Variants in RHOJ observed in about 807,000 individuals in gnomAD.
RHOJ encodes rho-related GTP-binding protein RhoJ.
A neutral mutation model predicts 23.4 loss-of-function variants in RHOJ; 11 were observed. That is an observed-to-expected ratio of 0.47 (90% CI 0.30 to 0.78). The LOEUF (loss-of-function observed/expected upper bound fraction) is 0.78, where lower values mean the gene tolerates loss of function less well. Ranked by LOEUF, RHOJ falls within the 30% of genes least tolerant of loss-of-function variation. The pLI, the probability that RHOJ is intolerant of heterozygous loss-of-function variation, is 0.08. For synonymous variants in RHOJ, 102 were observed against 102.7 expected (o/e 0.99, Z 0.04); for missense variants, 254 against 273.4 (o/e 0.93, Z 0.50).
rs775629074 is a variant in RHOJ, at chr14:63,290,907, A to G, written c.528A>G (p.Ser176=). 6.8e-6 allele frequency: 11 copies of G among 1,613,954 alleles called. No homozygotes were observed. In the East Asian group the frequency reaches 2.5e-4, roughly 36 times the overall value. The change falls in exon 5 of 5, where the codon TCA becomes TCG. Residue 176 remains serine, a synonymous_variant. Coordinates refer to ENST00000316754, the MANE Select transcript of RHOJ (RefSeq NM_020663.5). ...AIGAQCYLEC[S]ALTQKGLKAV... ...GAGCACAGTGCTACTTGGAATGTTC[A>G]GCTCTGACTCAGAAAGGTCTCAAAG... is the stretch of plus-strand genomic sequence containing the variant.
intron 2 of RHOJ, among the ~76,000 whole-genome samples, chr14:63,275,498 T>C (rs1195330802): frequency 6.6e-6 from 1 of 152,144 alleles, no homozygotes; most frequent in Non-Finnish European, 1.5e-5. Context: ...GAACTTTTCG[T>C]GTTTCATAAT....
intron 1 of RHOJ, among the ~76,000 whole-genome samples, chr14:63,230,522 C>T (rs1200800659): frequency 6.6e-6 from 1 of 152,086 alleles, no homozygotes; most frequent in Non-Finnish European, 1.5e-5. Context: ...ATTTATGACC[C>T]CAGTACTCAC....
chr14:63,225,137 G>C (rs1894568202), intron 1 of RHOJ, among the ~76,000 whole-genome samples: 1 of 152,060 alleles, frequency 6.6e-6, no homozygotes, highest in African/African-American at 2.4e-5. Flanking sequence ...ATTTTTAGTA[G>C]AGACTGGGTT....
intron 1 of RHOJ, among the ~76,000 whole-genome samples, chr14:63,259,846 G>A (rs10483766): frequency 0.32 from 49,219 of 151,930 alleles, 10,719 homozygotes; most frequent in African/African-American, 0.62. Flanking sequence ...TCTGGCTGGC[G>A]ATATTAGAAA....
chr14:63,257,180 G>A (rs1289998884), intron 1 of RHOJ, among the ~76,000 whole-genome samples: 2 of 144,204 alleles, frequency 1.4e-5, no homozygotes, highest in African/African-American at 5.2e-5. Flanking sequence ...GGAGGTTGCA[G>A]TGAGACGAAA....
chr14:63,275,678 CCTCT>C (rs1367527224), intron 2 of RHOJ, among the ~76,000 whole-genome samples: 3 of 152,190 alleles, frequency 2.0e-5, no homozygotes, highest in African/African-American at 7.2e-5. Context: ...CCCATTTGAG[CCTCT>C]CTTTTAGATT....
At chr14:63,288,407 A>G (rs569669942) in intron 4 of RHOJ, 321 of 892,898 alleles carry the variant, frequency 3.6e-4, no homozygotes, top group Non-Finnish European at 4.1e-4. Context: ...TTCCAGATAG[A>G]AAGGTGCTAC....
chr14:63,242,582 C>T (rs1251212356), intron 1 of RHOJ, among the ~76,000 whole-genome samples: 1 of 152,056 alleles, frequency 6.6e-6, no homozygotes, highest in Non-Finnish European at 1.5e-5. Flanking sequence ...AAAAAGGGGG[C>T]CAGGGGGTTT....
intron 1 of RHOJ, among the ~76,000 whole-genome samples, chr14:63,213,728 A>G (rs1413690381): frequency 3.9e-5 from 6 of 152,166 alleles, no homozygotes; most frequent in African/African-American, 1.2e-4. Context: ...TTGGTGAGAT[A>G]GTTCTGTTCC....
intron 1 of RHOJ, among the ~76,000 whole-genome samples, chr14:63,264,357 T>TTTTATGGCTACATAGTATTCCA (rs1327916077): frequency 1.3e-5 from 2 of 152,224 alleles, no homozygotes; most frequent in East Asian, 3.8e-4. Context: ...ATTTTATTCT[T>TTTTATGGCTACATAGTATTCCA]TTTATGGCTA....
intron 1 of RHOJ, among the ~76,000 whole-genome samples, chr14:63,216,342 A>C (rs574083052): frequency 6.6e-6 from 1 of 152,238 alleles, no homozygotes; most frequent in Non-Finnish European, 1.5e-5. Context: ...AAGAGGAAAA[A>C]TAATCAGCAA....
At chr14:63,221,923 A>G (rs1894502572) in intron 1 of RHOJ, among the ~76,000 whole-genome samples, 1 of 151,508 alleles carries the variant, frequency 6.6e-6, no homozygotes, top group South Asian at 2.1e-4. Flanking sequence ...TGCTGCACCC[A>G]TTAACTTGTC....
At chr14:63,261,545 C>T (rs1218219385) in intron 1 of RHOJ, among the ~76,000 whole-genome samples, 1 of 151,902 alleles carries the variant, frequency 6.6e-6, no homozygotes, top group African/African-American at 2.4e-5. Flanking sequence ...ATCCTCCCAC[C>T]TCAGCCTCCC....
chr14:63,243,442 C>T (rs1464882315), intron 1 of RHOJ, among the ~76,000 whole-genome samples: 3 of 152,166 alleles, frequency 2.0e-5, no homozygotes, highest in Non-Finnish European at 4.4e-5. Context: ...TGGGCTCAAG[C>T]GATTCTCCTG....
intron 1 of RHOJ, among the ~76,000 whole-genome samples, chr14:63,235,055 A>G (rs1444561947): frequency 2.0e-5 from 3 of 152,152 alleles, no homozygotes; most frequent in African/African-American, 7.2e-5. Flanking sequence ...TTTCTATGCT[A>G]AGGTGAAAGC....
At chr14:63,208,185 T>C (rs887390567) in intron 1 of RHOJ, among the ~76,000 whole-genome samples, 11 of 152,164 alleles carry the variant, frequency 7.2e-5, no homozygotes, top group African/African-American at 2.7e-4. Flanking sequence ...TTTGAATGAG[T>C]TTATTTTTGC....
Position 63,269,127 on chromosome 14 carries a change from G to T in RHOJ, c.196G>T (p.Gly66Cys). 1 of 1,613,060 alleles carries T rather than the reference G, an allele frequency of 6.2e-7. No homozygotes were observed. Residue 66 changes from glycine to cysteine, a missense_variant, in exon 2 of 5, where the codon GGC becomes TGC. By Grantham distance (159) the Gly-to-Cys change is radical (BLOSUM62 -3). Coordinates refer to ENST00000316754, the MANE Select transcript of RHOJ (RefSeq NM_020663.5). ...DHYAVTVTVGGKQHLLGLYDT... is the reference protein window; with the variant it reads ...DHYAVTVTVGCKQHLLGLYDT... ...TCCCCTAGTTACTGTGACTGTGGGA[G>T]GCAAGCAACACTTGCTCGGACTGTA... is the stretch of plus-strand genomic sequence containing the variant.
chr14:63,226,622 T>C (rs1460828053), intron 1 of RHOJ, among the ~76,000 whole-genome samples: 1 of 151,380 alleles, frequency 6.6e-6, no homozygotes, highest in Non-Finnish European at 1.5e-5. Context: ...ACTCAGCATA[T>C]GTATAACTGG....
intron 4 of RHOJ, among the ~76,000 whole-genome samples, chr14:63,289,859 T>C (rs1340377136): frequency 6.6e-6 from 1 of 152,214 alleles, no homozygotes; most frequent in Non-Finnish European, 1.5e-5. Context: ...TGGCATTAAA[T>C]GTCTTTTATG....
Sources: gnomAD v4.1 joint callset for allele counts (sites outside exome capture counted in the v4.1 genomes callset) on GRCh38, gnomAD v4.1.1 for gene constraint, MANE v1.5 for transcripts, NCBI Gene and HGNC (gene_info 2026-07-23, HGNC 2026-07-21) for gene names.